Variants in ELFN2 observed in about 807,000 individuals in gnomAD.
ELFN2 encodes the protein extracellular leucine rich repeat and fibronectin type III domain containing 2.
In ELFN2, 17 loss-of-function variants were observed where a neutral mutation model predicts 45.5. That is an observed-to-expected ratio of 0.37 (90% CI 0.26 to 0.56). ELFN2 has a LOEUF of 0.56. ELFN2 is among the 20% of genes least tolerant of loss of function. The probability of loss-of-function intolerance (pLI) is 0.77; values close to 1 mark genes in which losing one functional copy is unlikely to be tolerated. For synonymous variants in ELFN2, 550 were observed against 551.5 expected, an observed-to-expected ratio of 1.00 and a Z score of 0.04; for missense variants, 922 against 1,183.2, an observed-to-expected ratio of 0.78 and a Z score of 3.24.
chr22:37,340,797 G>A (rs1446197750), exon 3 of ELFN2: 1 of 152,270 alleles, frequency 6.6e-6, no homozygotes. Flanking sequence ...ATGCTCAGGG[G>A]CCTCTGCAGG....
chr22:37,404,590 C>T (rs749513132), intron 2 of ELFN2, among the ~76,000 whole-genome samples: 4 of 152,142 alleles, frequency 2.6e-5, no homozygotes, highest in African/African-American at 9.7e-5. Flanking sequence ...GACCAGTCAG[C>T]AGGTGGCCAC....
Position 37,374,734 on chromosome 22 carries a change from C to A in ELFN2, c.801G>T (p.Arg267Ser), listed in dbSNP as rs1931515783. ...HPTPYSTDAQ[R>S]EPDENSGFNP... ...TGAAGCCCGAGTTCTCGTCTGGCTC[C>A]CTCTGGGCGTCGGTGGAGTAGGGCG... Residue 267 changes from arginine (R) to serine (S), a missense_variant, in exon 3 of 3, where the codon AGG becomes AGT. Around this residue, in one of 2 missense-constraint regions of ELFN2, gnomAD observed 358 missense variants for 540.4 expected, o/e 0.66. Transcript: ENST00000402918. The A allele has an allele frequency of 6.2e-6, 10 of 1,611,780 alleles. No homozygotes were observed. The highest frequency in any genetic ancestry group is 1.7e-4 in the Middle Eastern group (1 of 6,054).
rs185611479 is a variant in ELFN2, at chr22:37,372,885, G to A, written c.*187C>T. The A allele has an allele frequency of 3.0e-3, 1,814 of 606,308 alleles. 7 individuals carry two copies. The highest frequency in any genetic ancestry group is 4.3e-3 in the Non-Finnish European group (1,521 of 354,676). 37.6% of individuals were successfully genotyped at this position (606,308 alleles called of 1,614,324 possible). A position where few individuals can be genotyped will look rare whatever the true frequency, so the allele number is the denominator to read the frequency against. On this transcript the variant is annotated 3_prime_UTR_variant, in exon 3 of 3. Transcript: ENST00000402918. This position sits in a 1 kb window ranked among gnomAD's most constrained non-coding sequence, Gnocchi z 4.4. ...CTCTGTTTTCCTGTCCGTTATTGTC[G>A]GATGTTGGTTTGTTCACAGTCGGGT... is the stretch of plus-strand genomic sequence containing the variant.
chr22:37,419,907 CCGCCCCGCCGCCA>C (rs1016584440), intron 1 of ELFN2, among the ~76,000 whole-genome samples: 29 of 152,248 alleles, frequency 1.9e-4, no homozygotes, highest in African/African-American at 5.5e-4. Context: ...CCAGCGCGGC[CCGCCCCGCCGCCA>C]GCCCCCGCCC....
chr22:37,373,067 G>A lies in ELFN2; in HGVS notation c.*5C>T. ...CTCCGACCTCACCAGGGAGGAAGGGGGGGGTCACAGCTTCTGCTGGGCGGA... is the reference window on the plus strand; with the variant it reads ...CTCCGACCTCACCAGGGAGGAAGGGAGGGGTCACAGCTTCTGCTGGGCGGA... On this transcript the variant is annotated 3_prime_UTR_variant, in exon 3 of 3. Coordinates refer to ENST00000402918, the MANE Select transcript of ELFN2 (RefSeq NM_052906.5). 1.3e-6 allele frequency: 2 copies of A among 1,582,594 alleles called. No homozygotes were observed. Among genetic ancestry groups the A allele is most frequent in the Non-Finnish European group, 1.7e-6 (2 of 1,159,710 alleles).
intron 2 of ELFN2, among the ~76,000 whole-genome samples, chr22:37,414,168 CA>C (rs1009864121): frequency 1.3e-5 from 2 of 150,682 alleles, no homozygotes; most frequent in African/African-American, 4.9e-5. Flanking sequence ...GAGAACAAGA[CA>C]AAAAAAAAGC....
At chr22:37,394,649 C>T (rs5995423) in intron 2 of ELFN2, among the ~76,000 whole-genome samples, 4,639 of 152,328 alleles carry the variant, frequency 0.03, 214 homozygotes, top group African/African-American at 0.11. Flanking sequence ...AAGGAATGCC[C>T]CCATCGAGTG....
intron 2 of ELFN2, among the ~76,000 whole-genome samples, chr22:37,403,493 A>G (rs2145673841): frequency 6.6e-6 from 1 of 152,288 alleles, no homozygotes; most frequent in South Asian, 2.1e-4. Context: ...GGACTAATTA[A>G]TTCCAACTCC....
chr22:37,356,083 AGT>A (rs919869988), intron 1 of ELFN2, among the ~76,000 whole-genome samples: 2 of 152,066 alleles, frequency 1.3e-5, no homozygotes, highest in Non-Finnish European at 2.9e-5. Context: ...AACCGGGGAG[AGT>A]GAGACGGGGG....
intron 2 of ELFN2, among the ~76,000 whole-genome samples, chr22:37,404,929 C>A (rs1379540883): frequency 6.6e-6 from 1 of 152,104 alleles, no homozygotes; most frequent in Non-Finnish European, 1.5e-5. Flanking sequence ...GGAGGGCCAT[C>A]CCCCCAGATC....
intron 1 of ELFN2, among the ~76,000 whole-genome samples, chr22:37,426,057 C>T (rs906706524): frequency 6.6e-6 from 1 of 152,104 alleles, no homozygotes; most frequent in Non-Finnish European, 1.5e-5. Flanking sequence ...CTGCTGATAG[C>T]GACAGCCGCA....
chr22:37,400,393 C>T (rs1932332830), intron 2 of ELFN2, among the ~76,000 whole-genome samples: 1 of 152,254 alleles, frequency 6.6e-6, no homozygotes, highest in African/African-American at 2.4e-5. Flanking sequence ...GCCTGAGGAG[C>T]ACCTCAGCCA....
At chr22:37,364,964 G>A (rs1279779145), downstream of ELFN2, among the ~76,000 whole-genome samples, 1 of 152,236 alleles carries the variant, frequency 6.6e-6, no homozygotes. Context: ...CTTCCGGGCT[G>A]TGACAAAAAT....
At chr22:37,367,300 G>C (rs1218687681), downstream of ELFN2, among the ~76,000 whole-genome samples, 1 of 152,222 alleles carries the variant, frequency 6.6e-6, no homozygotes, top group Non-Finnish European at 1.5e-5. Context: ...CCTGACCAGA[G>C]AGACAAGGCA....
chr22:37,374,235 C>T lies in ELFN2; in HGVS notation c.1300G>A (p.Val434Ile), dbSNP rs570843257. 2.7e-5 allele frequency: 44 copies of T among 1,613,982 alleles called. 1 individual carries two copies. In the South Asian group the frequency reaches 2.9e-4, roughly 10 times the overall value. The part of the protein sequence containing the change: ...MQEEKQKSVN[V>I]KKTILEMRYG... ...CGCATCTCCAGGATGGTCTTCTTGACGTTGACAGACTTCTGCTTCTCCTCC... is the reference window on the plus strand; with the variant it reads ...CGCATCTCCAGGATGGTCTTCTTGATGTTGACAGACTTCTGCTTCTCCTCC... Residue 434 changes from valine to isoleucine, a missense_variant, in exon 3 of 3, where the codon GTC becomes ATC. Around this residue, in one of 2 missense-constraint regions of ELFN2, gnomAD observed 564 missense variants for 642.8 expected, o/e 0.88. Coordinates refer to ENST00000402918, the MANE Select transcript of ELFN2 (RefSeq NM_052906.5).
At chr22:37,343,738 C>T (rs1483040262) in intron 1 of ELFN2, among the ~76,000 whole-genome samples, 1 of 140,954 alleles carries the variant, frequency 7.1e-6, no homozygotes, top group South Asian at 2.3e-4. Flanking sequence ...GCCTCCCCAA[C>T]TCATCTCCAG....
At chr22:37,365,074 C>T (rs1020874529), downstream of ELFN2, among the ~76,000 whole-genome samples, 5 of 152,188 alleles carry the variant, frequency 3.3e-5, no homozygotes, top group Admixed American at 6.5e-5. Flanking sequence ...GTGGGTCCCA[C>T]AGTGACCCTG....
chr22:37,361,340 A>C (rs1931081361), intron 1 of ELFN2, among the ~76,000 whole-genome samples: 12 of 135,868 alleles, frequency 8.8e-5, no homozygotes, highest in South Asian at 2.6e-4. Context: ...CCTCCTCCCT[A>C]CCCCCTTATC....
chr22:37,395,248 A>G (rs1932185467), intron 2 of ELFN2, among the ~76,000 whole-genome samples: 1 of 152,158 alleles, frequency 6.6e-6, no homozygotes, highest in African/African-American at 2.4e-5. Flanking sequence ...TGGGATTCAA[A>G]CCTGGCTCTG....
Sources: allele counts gnomAD v4.1 joint callset (sites outside exome capture counted in the v4.1 genomes callset), GRCh38; gene constraint gnomAD v4.1.1; regional missense constraint gnomAD v4.1.1; non-coding constraint Gnocchi (gnomAD v3.1); transcripts MANE v1.5; gene names NCBI Gene and HGNC (gene_info 2026-07-23, HGNC 2026-07-21).